TPST1: variants seen among roughly 807,000 people sequenced by gnomAD.
TPST1 encodes the protein tyrosylprotein sulfotransferase 1.
A neutral mutation model predicts 34.8 loss-of-function variants in TPST1; 20 were observed. The observed-to-expected ratio is 0.57, with a 90% CI of 0.40 to 0.84. The LOEUF is 0.84. Among genes scored for constraint, TPST1 ranks in the 40% least tolerant of loss-of-function variants. TPST1 has a pLI of 0.00. For synonymous variants in TPST1, 152 were observed against 159.4 expected, an observed-to-expected ratio of 0.95 and a Z score of 0.35; for missense variants, 353 against 455.5, an observed-to-expected ratio of 0.78 and a Z score of 2.05.
chr7:66,254,668 C>T (rs1790346748), intron 2 of TPST1, among the ~76,000 whole-genome samples: 1 of 152,090 alleles, frequency 6.6e-6, no homozygotes, highest in Non-Finnish European at 1.5e-5. Context: ...CCTCCCAAAG[C>T]GTTGGGATTA....
At chr7:66,320,286 C>A (rs1791726548) in intron 3 of TPST1, among the ~76,000 whole-genome samples, 1 of 128,318 alleles carries the variant, frequency 7.8e-6, no homozygotes, top group African/African-American at 3.0e-5. Context: ...CTTGCTCTGT[C>A]CCCCAGGCTG....
chr7:66,243,169 T>TTTG (rs1790072239), intron 2 of TPST1, among the ~76,000 whole-genome samples: 10 of 133,562 alleles, frequency 7.5e-5, no homozygotes, highest in Admixed American at 7.4e-5. Context: ...GTGTGTGTGT[T>TTTG]TGTGTGTGTG....
At chr7:66,326,284 T>C (rs927219550) in intron 3 of TPST1, among the ~76,000 whole-genome samples, 1 of 152,216 alleles carries the variant, frequency 6.6e-6, no homozygotes, top group African/African-American at 2.4e-5. Context: ...TTACAATTAA[T>C]GGTAATTCAG....
chr7:66,338,673 G>A (rs1475028370), intron 3 of TPST1, among the ~76,000 whole-genome samples: 1 of 152,048 alleles, frequency 6.6e-6, no homozygotes, highest in Admixed American at 6.6e-5. Flanking sequence ...AGGAACATTG[G>A]AAACAGTACA....
At chr7:66,292,978 G>A (rs1187979080) in intron 3 of TPST1, among the ~76,000 whole-genome samples, 3 of 152,146 alleles carry the variant, frequency 2.0e-5, no homozygotes, top group Non-Finnish European at 4.4e-5. Context: ...AGGTCGAGGC[G>A]GGTGGATCAC....
chr7:66,315,185 T>A (rs906566110), intron 3 of TPST1, among the ~76,000 whole-genome samples: 8 of 152,192 alleles, frequency 5.3e-5, no homozygotes, highest in African/African-American at 1.9e-4. Context: ...TAACACGGTG[T>A]GGCCACAGTA....
chr7:66,253,763 C>T (rs910441805), intron 2 of TPST1, among the ~76,000 whole-genome samples: 5 of 151,420 alleles, frequency 3.3e-5, no homozygotes, highest in South Asian at 2.1e-4. Flanking sequence ...GTTAGCCAGG[C>T]GCGGTGGCTT....
intron 2 of TPST1, among the ~76,000 whole-genome samples, chr7:66,260,946 G>T (rs1295874398): frequency 1.3e-5 from 2 of 152,092 alleles, no homozygotes; most frequent in African/African-American, 2.4e-5. Flanking sequence ...CTGTAAATTC[G>T]TTCTTTCCAT....
chr7:66,203,440 C>T (rs373650591), upstream of TPST1, among the ~76,000 whole-genome samples: 14 of 151,288 alleles, frequency 9.3e-5, no homozygotes, highest in South Asian at 2.7e-3. Context: ...TCATATGTAC[C>T]TTAGACAGTT....
chr7:66,353,939 TC>T (rs1792531528), intron 4 of TPST1, among the ~76,000 whole-genome samples: 2 of 152,226 alleles, frequency 1.3e-5, no homozygotes, highest in African/African-American at 4.8e-5. Context: ...CTGACCCTTT[TC>T]TGAAAACACT....
upstream of TPST1, among the ~76,000 whole-genome samples, chr7:66,202,444 G>A (rs2116164445): frequency 6.6e-6 from 1 of 152,308 alleles, no homozygotes; most frequent in South Asian, 2.1e-4. Context: ...CGTTCTCACA[G>A]TTTAATACGT....
intron 5 of TPST1, among the ~76,000 whole-genome samples, chr7:66,358,336 T>C (rs1001576882): frequency 6.6e-6 from 1 of 151,730 alleles, no homozygotes; most frequent in Non-Finnish European, 1.5e-5. Flanking sequence ...TGTTTTTTTT[T>C]TTTATATAAT....
At chr7:66,313,401 C>T (rs935594074) in intron 3 of TPST1, among the ~76,000 whole-genome samples, 12 of 151,764 alleles carry the variant, frequency 7.9e-5, no homozygotes, top group Admixed American at 2.6e-4. Context: ...GGTGACAGGG[C>T]GAGACTTGAT....
chr7:66,274,282 G>A (rs970232708), intron 2 of TPST1, among the ~76,000 whole-genome samples: 4 of 151,628 alleles, frequency 2.6e-5, no homozygotes, highest in East Asian at 2.0e-4. Flanking sequence ...GGAGAATGGC[G>A]TGAACCCGGG....
Position 66,240,335 on chromosome 7 carries a change from TCTTTCTGAAGTAGACTGTCCATGGC to T in TPST1, c.-88_-64del. The T allele has an allele frequency of 1.4e-6, 2 of 1,450,996 alleles. No homozygotes were observed. Among genetic ancestry groups the T allele is most frequent in the Non-Finnish European group, 1.8e-6 (2 of 1,089,314 alleles). The allele number at this position is 1,450,996 out of a possible 1,614,324, so 89.9% of individuals were successfully genotyped here. On this transcript the variant is annotated 5_prime_UTR_variant, in exon 2 of 6. The change abolishes an upstream ATG in the 5' untranslated region. Transcript: ENST00000304842. The stretch of plus-strand genomic sequence containing the variant: ...TCCTTTCTCTACTAGATGTTGGTTA[TCTTTCTGAAGTAGACTGTCCATGGC>T]CTGAACATTTTCCGAAAATCATTTT...
At chr7:66,342,458 A>G (rs1338006799) in intron 3 of TPST1, among the ~76,000 whole-genome samples, 1 of 152,226 alleles carries the variant, frequency 6.6e-6, no homozygotes, top group Non-Finnish European at 1.5e-5. Flanking sequence ...ATCAAGCCTA[A>G]TTGACATGTG....
intron 3 of TPST1, among the ~76,000 whole-genome samples, chr7:66,346,910 T>A (rs909726121): frequency 6.6e-6 from 1 of 152,126 alleles, no homozygotes; most frequent in African/African-American, 2.4e-5. Context: ...CAGTGCAATG[T>A]CCTGGAGAGT....
intron 1 of TPST1, among the ~76,000 whole-genome samples, chr7:66,230,451 T>G (rs1434374906): frequency 6.6e-6 from 1 of 152,176 alleles, no homozygotes; most frequent in African/African-American, 2.4e-5. Flanking sequence ...CTTCTGACAT[T>G]CGGCTGTGTT....
intron 2 of TPST1, among the ~76,000 whole-genome samples, chr7:66,279,727 T>C (rs1419304383): frequency 6.6e-6 from 1 of 152,150 alleles, no homozygotes; most frequent in Non-Finnish European, 1.5e-5. Context: ...TAAATGAAAA[T>C]ACAATACTTA....
Sources: gnomAD v4.1 joint callset for allele counts (sites outside exome capture counted in the v4.1 genomes callset) on GRCh38, gnomAD v4.1.1 for gene constraint, MANE v1.5 for transcripts, NCBI Gene and HGNC (gene_info 2026-07-23, HGNC 2026-07-21) for gene names.